Variants in HYPK observed in about 807,000 individuals in gnomAD.
The protein encoded by HYPK is huntingtin interacting protein K, also known as huntingtin-interacting protein K.
HYPK carries 9 observed loss-of-function variants against 13.9 expected under a neutral mutation model. The observed-to-expected ratio is 0.65, with a 90% confidence interval of 0.39 to 1.13. The LOEUF (loss-of-function observed/expected upper bound fraction) is 1.13, where lower values mean the gene tolerates loss of function less well. Among genes scored for constraint, HYPK ranks in the 50% most tolerant of loss-of-function variants. HYPK has a pLI of 0.01. For missense variants in HYPK, 138 were observed against 157.6 expected (o/e 0.88, Z 0.67); for synonymous variants, 76 against 57.0 (o/e 1.33, Z -1.50).
At chr15:43,801,298 C>T (rs999096331) in intron 2 of HYPK, 111 bp downstream of exon 2, 1 of 1,032,004 alleles carries the variant, frequency 9.7e-7, no homozygotes, top group Non-Finnish European at 1.5e-6. Flanking sequence ...ATCACCAATT[C>T]CTGCAGATCT....
rs1392295511 is a variant in HYPK, at chr15:43,801,840, T to C, written c.*34T>C. On this transcript the variant is annotated 3_prime_UTR_variant, in exon 4 of 4. Coordinates refer to ENST00000442995, the MANE Select transcript of HYPK (RefSeq NM_016400.4). The stretch of plus-strand genomic sequence containing the variant: ...TTCTCAAATATACCTACTGGATTAA[T>C]TTATGGCAATAAAATTTTTTTTTGT... 1 of 1,590,280 alleles carries C rather than the reference T, an allele frequency of 6.3e-7. No individual in the cohort carries two copies. The highest frequency in any genetic ancestry group is 8.6e-7 in the Non-Finnish European group (1 of 1,160,408).
In HYPK at chr15:43,803,563, G is replaced by A. The variant is rs1205763960; in HGVS notation, c.*1757G>A. On this transcript the variant is annotated 3_prime_UTR_variant, in exon 4 of 4. Transcript: ENST00000442995. ...CCAGCACTCTGGGAGGCCGAGGCAG[G>A]TGGATCACCTGGGATCAGGAGTTTG... is the stretch of plus-strand genomic sequence containing the variant. 6.6e-6 allele frequency among the ~76,000 whole-genome samples: 1 copy of A among 152,150 alleles called. No individual in the cohort carries two copies. Among genetic ancestry groups the A allele is most frequent in the East Asian group, 1.9e-4 (1 of 5,198 alleles).
rs2087298851 is a variant in HYPK at position 43,800,606 on chromosome 15, G to GAA, written c.-17_-16insAA. On this transcript the variant is annotated 5_prime_UTR_variant, in exon 1 of 4. The change creates a premature stop within an existing upstream ORF in the 5' untranslated region. Transcript: ENST00000442995. ...CGGCGTGAGGTGGGGCTTATGCGGC[G>GAA]GCGTGGTGAAATAGATATGGCGACC... is the stretch of plus-strand genomic sequence containing the variant. 1 of 1,613,912 alleles carries GAA rather than the reference G, an allele frequency of 6.2e-7. No individual in the cohort carries two copies. Among genetic ancestry groups the GAA allele is most frequent in the Non-Finnish European group, 8.5e-7 (1 of 1,179,990 alleles).
At position 43,803,395 on chromosome 15, in the gene HYPK, C is replaced by T. The variant is rs967341533; in HGVS notation, c.*1589C>T. 4.6e-5 allele frequency among the ~76,000 whole-genome samples: 7 copies of T among 151,504 alleles called. No homozygotes were observed. Among genetic ancestry groups the T allele is most frequent in the South Asian group, 2.1e-4 (1 of 4,806 alleles). ...GCGACAGAGCAAGACTGTCTCAAAA[C>T]GAAAAAAACCTATGAAAGGTTTTGA... On this transcript the variant is annotated 3_prime_UTR_variant, in exon 4 of 4. Coordinates refer to ENST00000442995, the MANE Select transcript of HYPK (RefSeq NM_016400.4).
In HYPK at chr15:43,802,085, G is replaced by A; in HGVS notation, c.*279G>A. The A allele has an allele frequency of 2.3e-6, 1 of 425,838 alleles. No homozygotes were observed. Among genetic ancestry groups the A allele is most frequent in the South Asian group, 2.7e-5 (1 of 37,398 alleles). 26.4% of individuals were successfully genotyped at this position (425,838 alleles called of 1,614,324 possible). ...CTCAACAGTATTCAAGGTACATCTG[G>A]AGTCTCAGCAGAGTTACTGTACTCA... On this transcript the variant is annotated 3_prime_UTR_variant, in exon 4 of 4. Transcript: ENST00000442995.
Position 43,801,198 on chromosome 15 carries a change from AG to A in HYPK, c.218+15del, listed in dbSNP as rs2087310354. On this transcript the variant is annotated intron_variant, in intron 2 of 3. Coordinates refer to ENST00000442995, the MANE Select transcript of HYPK (RefSeq NM_016400.4). ...AGCCAAACAGGAGCGGTAAGTCTTC[AG>A]GGGCAGCCAACTTTAACAGTTCTTC... 1.2e-6 allele frequency: 2 copies of A among 1,612,128 alleles called. No individual in the cohort carries two copies. Among genetic ancestry groups the A allele is most frequent in the South Asian group, 2.2e-5 (2 of 91,050 alleles).
chr15:43,803,300 A>G lies in HYPK; in HGVS notation c.*1494A>G, dbSNP rs969930263. Among the ~76,000 whole-genome samples, 2 of 150,330 alleles carry G rather than the reference A, an allele frequency of 1.3e-5. No homozygotes were observed. Among genetic ancestry groups the G allele is most frequent in the African/African-American group, 4.9e-5 (2 of 40,916 alleles). Reference sequence around the variant, plus strand: ...GGTCCCAGATACTCTGGAGGCTGAGATGGATTTGCTTGAGCCTGGGAGGTT... The same window carrying G: ...GGTCCCAGATACTCTGGAGGCTGAGGTGGATTTGCTTGAGCCTGGGAGGTT... On this transcript the variant is annotated 3_prime_UTR_variant, in exon 4 of 4. Coordinates refer to ENST00000442995, the MANE Select transcript of HYPK (RefSeq NM_016400.4).
chr15:43,800,475 A>T (rs2087295030), upstream of HYPK: 2 of 1,103,778 alleles, frequency 1.8e-6, no homozygotes, highest in Admixed American at 2.0e-5. Context: ...CTGAGAGACG[A>T]ACCGCCTTCC....
intron 3 of HYPK, 29 bp downstream of exon 3, chr15:43,801,598 C>T (rs760428595): frequency 2.1e-5 from 33 of 1,608,582 alleles, no homozygotes; most frequent in African/African-American, 2.7e-5. Context: ...CTAGTGTATG[C>T]GGAGGGGAGG....
At position 43,802,825 on chromosome 15, in the gene HYPK, A is replaced by G; in HGVS notation, c.*1019A>G. 6.6e-6 allele frequency: 1 copy of G among 152,106 alleles called. No homozygotes were observed. 9.4% of individuals were successfully genotyped at this position (152,106 alleles called of 1,614,324 possible). On this transcript the variant is annotated 3_prime_UTR_variant, in exon 4 of 4. Transcript: ENST00000442995. ...AACCAGGGAGGCGGAAGTTGCAGTGAGCTGAGATTGTGCCACTGTACTCCA... is the reference window on the plus strand; with the variant it reads ...AACCAGGGAGGCGGAAGTTGCAGTGGGCTGAGATTGTGCCACTGTACTCCA...
At chr15:43,800,520 G>C (rs756316847), upstream of HYPK, 2 of 1,445,486 alleles carry the variant, frequency 1.4e-6, no homozygotes, top group Non-Finnish European at 1.9e-6. Flanking sequence ...CAGAAAGAAG[G>C]TGTGGCCCAG....
Position 43,804,322 on chromosome 15 carries a change from A to G in HYPK, c.*2516A>G, listed in dbSNP as rs970552737. On this transcript the variant is annotated 3_prime_UTR_variant, in exon 4 of 4. Coordinates refer to ENST00000442995, the MANE Select transcript of HYPK (RefSeq NM_016400.4). ...GCATTCATTTTTATCGTACGACACTAAACTATTTGATTCTTCCAGTGGGAC... is the reference window on the plus strand; with the variant it reads ...GCATTCATTTTTATCGTACGACACTGAACTATTTGATTCTTCCAGTGGGAC... Among the ~76,000 whole-genome samples the G allele has an allele frequency of 1.3e-4, 19 of 150,170 alleles. No individual in the cohort carries two copies. The highest frequency in any genetic ancestry group is 1.9e-4 in the African/African-American group (8 of 41,358).
chr15:43,802,725 A>T lies in HYPK; in HGVS notation c.*919A>T, dbSNP rs754533793. Reference sequence around the variant, plus strand: ...TGTCTCTACTAAAAATACAAAAAAAATAAAATTAGCCAGGCGTGGTGGTGC... The same window carrying T: ...TGTCTCTACTAAAAATACAAAAAAATTAAAATTAGCCAGGCGTGGTGGTGC... On this transcript the variant is annotated 3_prime_UTR_variant, in exon 4 of 4. Transcript: ENST00000442995. 1 of 151,980 alleles carries T rather than the reference A, an allele frequency of 6.6e-6. No homozygotes were observed. The highest frequency in any genetic ancestry group is 1.5e-5 in the Non-Finnish European group (1 of 68,046). The allele number at this position is 151,980 out of a possible 1,614,324, so 9.4% of individuals were successfully genotyped here. A position where few individuals can be genotyped will look rare whatever the true frequency, so the allele number is the denominator to read the frequency against.
At position 43,801,817 on chromosome 15, in the gene HYPK, C is replaced by T; in HGVS notation, c.*11C>T. 6.2e-7 allele frequency: 1 copy of T among 1,610,792 alleles called. No individual in the cohort carries two copies. The highest frequency in any genetic ancestry group is 1.1e-5 in the South Asian group (1 of 90,972). On this transcript the variant is annotated 3_prime_UTR_variant, in exon 4 of 4. Transcript: ENST00000442995. The stretch of plus-strand genomic sequence containing the variant: ...GCCCTAACCAACTGATGCGTGCTTT[C>T]TCAAATATACCTACTGGATTAATTT...
rs574740499 is a variant in HYPK, at chr15:43,801,633, T to C, written c.270+64T>C. 8.2e-5 allele frequency: 132 copies of C among 1,608,858 alleles called. 2 individuals are homozygous for C. In the East Asian group the frequency reaches 2.4e-3, roughly 29 times the overall value. ...GCTATTCTGCTTAATTTGGGTTGTT[T>C]CCTGAAACAAGCGGAGTCAGTATAT... is the stretch of plus-strand genomic sequence containing the variant. On this transcript the variant is annotated intron_variant, in intron 3 of 3. Coordinates refer to ENST00000442995, the MANE Select transcript of HYPK (RefSeq NM_016400.4).
intron 1 of HYPK, 51 bp from the exon 2 acceptor site, chr15:43,801,081 T>C (rs762293692): frequency 6.7e-7 from 1 of 1,495,764 alleles, no homozygotes; most frequent in East Asian, 2.3e-5. Context: ...CCTTTTAGAT[T>C]ATTGGGAATT....
At position 43,800,763 on chromosome 15, in the gene HYPK, C is replaced by G; in HGVS notation, c.141C>G (p.Ile47Met). The G allele has an allele frequency of 6.2e-7, 1 of 1,611,968 alleles. No individual in the cohort carries two copies. The highest frequency in any genetic ancestry group is 8.5e-7 in the Non-Finnish European group (1 of 1,178,934). Residue 47 changes from isoleucine (I) to methionine (M), a missense_variant, in exon 1 of 4, where the codon ATC becomes ATG. This residue lies in a region of HYPK where 91 missense variants were observed against 96.8 expected (regional missense o/e 0.94). Transcript: ENST00000442995. ...RVTDYAEEKE[I>M]QSSNLETAMS... ...CCGACTATGCAGAGGAGAAGGAGATCCAGAGTTCCAATCTGGAGACGGTAA... is the reference window on the plus strand; with the variant it reads ...CCGACTATGCAGAGGAGAAGGAGATGCAGAGTTCCAATCTGGAGACGGTAA...
intron 1 of HYPK, 91 bp from the exon 2 acceptor site, chr15:43,801,041 A>AATCC: frequency 8.8e-7 from 1 of 1,134,838 alleles, no homozygotes; most frequent in Admixed American, 1.7e-5. Context: ...TGTCATCGTG[A>AATCC]ATCCATGCAT....
chr15:43,801,180 C>G lies in HYPK; in HGVS notation c.211C>G (p.Gln71Glu). ...AAGGTCCCGGGAGCAGAAAGCCAAACAGGAGCGGTAAGTCTTCAGGGGCAG... is the reference window on the plus strand; with the variant it reads ...AAGGTCCCGGGAGCAGAAAGCCAAAGAGGAGCGGTAAGTCTTCAGGGGCAG... The part of the protein sequence containing the change: ...DRRSREQKAK[Q>E]EREKELAKVT... Residue 71 changes from glutamine (Q) to glutamate (E), a missense_variant, in exon 2 of 4, where the codon CAG (glutamine) becomes GAG (glutamate). Physicochemically the swap from Gln to Glu is conservative, Grantham distance 29 (BLOSUM62 2). Coordinates refer to ENST00000442995, the MANE Select transcript of HYPK (RefSeq NM_016400.4). 1 of 1,613,972 alleles carries G rather than the reference C, an allele frequency of 6.2e-7. No individual in the cohort carries two copies. Among genetic ancestry groups the G allele is most frequent in the Non-Finnish European group, 8.5e-7 (1 of 1,179,898 alleles).
Sources: allele counts gnomAD v4.1 joint callset (sites outside exome capture counted in the v4.1 genomes callset), GRCh38; gene constraint gnomAD v4.1.1; regional missense constraint gnomAD v4.1.1; transcripts MANE v1.5; gene names NCBI Gene and HGNC (gene_info 2026-07-23, HGNC 2026-07-21).